Variants in LGMN observed in about 807,000 individuals in gnomAD.
LGMN encodes the protein asparaginyl endopeptidase.
LGMN carries 36 observed loss-of-function variants against 56.8 expected under a neutral mutation model. The observed-to-expected ratio is 0.63, with a 90% CI of 0.49 to 0.84. LGMN has a LOEUF of 0.84. Among genes scored for constraint, LGMN ranks in the 40% least tolerant of loss-of-function variants. The pLI is 0.00. For missense variants in LGMN, 446 were observed against 556.1 expected (o/e 0.80, Z 1.99); for synonymous variants, 199 against 210.1 (o/e 0.95, Z 0.46).
At chr14:92,732,393 G>C (rs1294526565) in intron 2 of LGMN, 2 of 423,628 alleles carry the variant, frequency 4.7e-6, no homozygotes, top group Admixed American at 7.8e-5. Context: ...CCTTGCATCA[G>C]ATTAAGATGG....
At chr14:92,713,502 T>C (rs1889906511) in intron 7 of LGMN, among the ~76,000 whole-genome samples, 2 of 152,192 alleles carry the variant, frequency 1.3e-5, no homozygotes, top group African/African-American at 2.4e-5. Context: ...GTCCTAGGAA[T>C]AGGAGTCTGC....
At chr14:92,738,847 T>G (rs1198502679) in intron 1 of LGMN, among the ~76,000 whole-genome samples, 1 of 151,434 alleles carries the variant, frequency 6.6e-6, no homozygotes, top group Non-Finnish European at 1.5e-5. Context: ...GGTGAAACCC[T>G]GTCTCTACTA....
At chr14:92,715,469 G>T (rs1301329925) in intron 5 of LGMN, among the ~76,000 whole-genome samples, 2 of 152,130 alleles carry the variant, frequency 1.3e-5, no homozygotes, top group Non-Finnish European at 2.9e-5. Flanking sequence ...GCCCACCTTG[G>T]CCTCCCAAAG....
chr14:92,716,105 G>C, intron 5 of LGMN, 31 bp downstream of exon 5: 1 of 1,452,430 alleles, frequency 6.9e-7, no homozygotes, highest in Non-Finnish European at 9.6e-7. Flanking sequence ...AAGCCATTGA[G>C]AGAAGTGTAG....
At chr14:92,747,937 C>T (rs544376549) in intron 1 of LGMN, among the ~76,000 whole-genome samples, 16 of 152,170 alleles carry the variant, frequency 1.1e-4, no homozygotes, top group Non-Finnish European at 5.9e-5. Context: ...ACTTTCACTT[C>T]CAAGATTGAA....
chr14:92,726,615 T>G (rs1416993968), intron 2 of LGMN, among the ~76,000 whole-genome samples: 1 of 152,174 alleles, frequency 6.6e-6, no homozygotes, highest in East Asian at 1.9e-4. Context: ...GGAGAGGTTC[T>G]GTCAAAGGGA....
At chr14:92,727,094 T>A (rs1055859854) in intron 2 of LGMN, among the ~76,000 whole-genome samples, 1 of 151,736 alleles carries the variant, frequency 6.6e-6, no homozygotes, top group Non-Finnish European at 1.5e-5. Flanking sequence ...ATGAGGAGAG[T>A]GTATTTGAGG....
Position 92,714,299 on chromosome 14 carries a change from G to A in LGMN, c.480+77C>T, listed in dbSNP as rs1889952006. ...CCTGGCAGGACACTAGAAAATACAC[G>A]CTATGGGTTTAATCTCGACACCTAG... On this transcript the variant is annotated intron_variant, in intron 6 of 13. Coordinates refer to ENST00000334869, the MANE Select transcript of LGMN (RefSeq NM_005606.7). The surrounding 1 kb of genome is among the most constrained non-coding windows in gnomAD (Gnocchi z 5.1). 6.9e-6 allele frequency: 7 copies of A among 1,012,580 alleles called. No homozygotes were observed. Among genetic ancestry groups the A allele is most frequent in the South Asian group, 4.1e-5 (3 of 73,074 alleles). The allele number at this position is 1,012,580 out of a possible 1,614,324, so 62.7% of individuals were successfully genotyped here. A position where few individuals can be genotyped will look rare whatever the true frequency, so the allele number is the denominator to read the frequency against.
At chr14:92,717,270 A>G in intron 4 of LGMN, 110 bp downstream of exon 4, 1 of 651,610 alleles carries the variant, frequency 1.5e-6, no homozygotes, top group Non-Finnish European at 2.7e-6. Flanking sequence ...TGAAACACCG[A>G]CCAGAAGCCA....
intron 11 of LGMN, among the ~76,000 whole-genome samples, chr14:92,709,125 G>A (rs972591015): frequency 7.2e-5 from 11 of 151,792 alleles, no homozygotes; most frequent in Admixed American, 6.6e-4. Context: ...AAGAATTTTA[G>A]GCATGACTAT....
chr14:92,711,289 C>T (rs1324689922), intron 10 of LGMN, among the ~76,000 whole-genome samples: 2 of 152,212 alleles, frequency 1.3e-5, no homozygotes, highest in African/African-American at 4.8e-5. Flanking sequence ...ATCTACAAAC[C>T]GTAAAGCAGC....
intron 3 of LGMN, 122 bp from the exon 4 acceptor site, chr14:92,717,583 T>C (rs1482085563): frequency 8.6e-6 from 6 of 697,696 alleles, no homozygotes. Context: ...AAACAACTTA[T>C]GGCCTGCAGG....
rs1260454577 is a variant in LGMN, at chr14:92,732,748, C to T, written c.39G>A (p.Leu13=). ...WKVAVFLSVA[L]GIGAVPIDDP... is the part of the protein sequence containing the mutation. ...CATCTATAGGAACGGCACCAATGCC[C>T]AGGGCCACACTGAGGAATACAGCTA... Residue 13 remains leucine, a synonymous_variant, in exon 2 of 14, where the codon CTG becomes CTA. Transcript: ENST00000334869. The T allele has an allele frequency of 1.9e-6, 3 of 1,614,166 alleles. No individual in the cohort carries two copies. The highest frequency in any genetic ancestry group is 2.5e-6 in the Non-Finnish European group (3 of 1,180,020).
chr14:92,728,649 A>ATT (rs759054492), intron 2 of LGMN, among the ~76,000 whole-genome samples: 12 of 152,222 alleles, frequency 7.9e-5, no homozygotes, highest in Non-Finnish European at 1.3e-4. Flanking sequence ...AACATGTTAA[A>ATT]TTTTTAATAC....
At chr14:92,705,518 CA>C (rs71461984) in intron 12 of LGMN, among the ~76,000 whole-genome samples, 7 of 151,106 alleles carry the variant, frequency 4.6e-5, no homozygotes, top group African/African-American at 1.7e-4. Context: ...AACAAACAAA[CA>C]AAAAAAACAA....
chr14:92,725,876 C>A (rs181317659), intron 2 of LGMN, among the ~76,000 whole-genome samples: 22 of 152,110 alleles, frequency 1.4e-4, no homozygotes, highest in African/African-American at 4.8e-4. Context: ...CACCTGGCCA[C>A]GGATTTTTTT....
chr14:92,748,540 C>T lies in LGMN; in HGVS notation c.-81G>A. 1 of 156,586 alleles carries T rather than the reference C, an allele frequency of 6.4e-6. No individual in the cohort carries two copies. The highest frequency in any genetic ancestry group is 1.9e-4 in the East Asian group (1 of 5,320). The allele number at this position is 156,586 out of a possible 1,614,324, so 9.7% of individuals were successfully genotyped here. On this transcript the variant is annotated 5_prime_UTR_variant, in exon 1 of 14. Transcript: ENST00000334869. ...GGTGGCGGCGGCGGCGGTGAGTGAC[C>T]GCGGTGGTGGCGCCGGCGGGACCGT...
At chr14:92,712,636 TGCTTCAGAA>T in intron 8 of LGMN, 160 bp downstream of exon 8, 1 of 624,046 alleles carries the variant, frequency 1.6e-6, no homozygotes, top group Non-Finnish European at 2.9e-6. Flanking sequence ...TGACTACCAG[TGCTTCAGAA>T]GCAGAGGAAG....
At chr14:92,730,006 G>C (rs1666907068) in intron 2 of LGMN, among the ~76,000 whole-genome samples, 1 of 152,180 alleles carries the variant, frequency 6.6e-6, no homozygotes, top group African/African-American at 2.4e-5. Context: ...AAAGGTTTCT[G>C]GGAGCAAAGG....
Sources: gnomAD v4.1 joint callset for allele counts (sites outside exome capture counted in the v4.1 genomes callset) on GRCh38, gnomAD v4.1.1 for gene constraint, Gnocchi (gnomAD v3.1) non-coding constraint, MANE v1.5 for transcripts, NCBI Gene and HGNC (gene_info 2026-07-23, HGNC 2026-07-21) for gene names.